SPOCK1: variants seen among roughly 807,000 people sequenced by gnomAD.
The protein encoded by SPOCK1 is SPARC (osteonectin), cwcv and kazal like domains proteoglycan 1.
Under a neutral mutation model 55.3 loss-of-function variants are expected in SPOCK1, and 23 were observed. The observed-to-expected ratio is 0.42, with a 90% CI of 0.30 to 0.59. The LOEUF is 0.59. SPOCK1 is among the 20% of genes least tolerant of loss of function. The pLI is 0.22. For synonymous variants in SPOCK1, 226 were observed against 221.0 expected (o/e 1.02, Z -0.20); for missense variants, 499 against 552.5 (o/e 0.90, Z 0.97).
At chr5:137,436,620 A>G (rs181601064) in intron 2 of SPOCK1, among the ~76,000 whole-genome samples, 340 of 152,308 alleles carry the variant, frequency 2.2e-3, no homozygotes, top group Middle Eastern at 6.8e-3. Context: ...ATTTGACACA[A>G]TCCAAAAAAA....
intron 2 of SPOCK1, among the ~76,000 whole-genome samples, chr5:137,283,512 G>A (rs949719262): frequency 6.6e-6 from 1 of 152,228 alleles, no homozygotes; most frequent in African/African-American, 2.4e-5. Context: ...CCAGGAGTTC[G>A]AGACCAGCCT....
rs187501555 is a variant in SPOCK1 at position 136,978,601 on chromosome 5, T to C, written c.*53A>G. The C allele has an allele frequency of 2.5e-5, 39 of 1,545,266 alleles. No individual in the cohort carries two copies. In the African/African-American group the frequency reaches 4.2e-4, roughly 17 times the overall value. On this transcript the variant is annotated 3_prime_UTR_variant, in exon 11 of 11. Coordinates refer to ENST00000394945, the MANE Select transcript of SPOCK1 (RefSeq NM_004598.4). ...GGAGTCTTAGATACAAATGCAGGAA[T>C]AGGAAGTGACTTGCAATTTTGTGCA...
intron 3 of SPOCK1, among the ~76,000 whole-genome samples, chr5:137,145,225 G>T (rs1208628107): frequency 6.6e-6 from 1 of 152,160 alleles, no homozygotes; most frequent in Non-Finnish European, 1.5e-5. Context: ...GTAAAGCATT[G>T]AATTCAAAAG....
chr5:137,476,054 T>C (rs1223203863), intron 2 of SPOCK1, among the ~76,000 whole-genome samples: 1 of 151,472 alleles, frequency 6.6e-6, no homozygotes, highest in Non-Finnish European at 1.5e-5. Context: ...TTTTAACTTT[T>C]AAGTTCAAGG....
At chr5:137,191,415 G>A (rs1465300798) in intron 3 of SPOCK1, among the ~76,000 whole-genome samples, 1 of 151,454 alleles carries the variant, frequency 6.6e-6, no homozygotes, top group African/African-American at 2.5e-5. Flanking sequence ...CTGTATGATG[G>A]AAATTCTGTA....
intron 3 of SPOCK1, among the ~76,000 whole-genome samples, chr5:137,217,842 A>G (rs922315815): frequency 3.9e-5 from 6 of 152,170 alleles, no homozygotes; most frequent in African/African-American, 1.4e-4. Context: ...TATCCAAGGT[A>G]TCGTGGTTAA....
chr5:137,296,212 T>C (rs1364333843), intron 2 of SPOCK1, among the ~76,000 whole-genome samples: 1 of 152,210 alleles, frequency 6.6e-6, no homozygotes, highest in Non-Finnish European at 1.5e-5. Flanking sequence ...AATAAGTATC[T>C]GTTGTTTACA....
intron 3 of SPOCK1, 53 bp from the exon 4 acceptor site, chr5:137,140,747 A>ATTTTTTTTTTTTTTTTTTTTTTTTTT (rs11309240): frequency 6.1e-6 from 2 of 328,300 alleles, no homozygotes; most frequent in Non-Finnish European, 4.7e-6. Context: ...GGGAAATTTA[A>ATTTTTTTTTTTTTTTTTTTTTTTTTT]TTTTTTTTTT....
At chr5:137,106,635 T>C (rs939884964) in intron 5 of SPOCK1, among the ~76,000 whole-genome samples, 2 of 152,028 alleles carry the variant, frequency 1.3e-5, no homozygotes, top group African/African-American at 4.8e-5. Context: ...TCTCTGCAAA[T>C]CCAGGCCTCC....
chr5:137,405,564 G>T (rs892555028), intron 2 of SPOCK1, among the ~76,000 whole-genome samples: 1 of 152,136 alleles, frequency 6.6e-6, no homozygotes, highest in Non-Finnish European at 1.5e-5. Context: ...CGGGCAGACA[G>T]ATCCCTACTG....
chr5:137,422,019 C>T (rs1226506885), intron 2 of SPOCK1, among the ~76,000 whole-genome samples: 1 of 152,172 alleles, frequency 6.6e-6, no homozygotes, highest in African/African-American at 2.4e-5. Flanking sequence ...TCAGCATTTG[C>T]TTGTCTGTAA....
intron 6 of SPOCK1, among the ~76,000 whole-genome samples, chr5:137,010,531 A>C (rs1258689794): frequency 2.0e-5 from 3 of 152,058 alleles, no homozygotes; most frequent in Non-Finnish European, 4.4e-5. Flanking sequence ...TGGGAGGGTG[A>C]CACTATCATC....
rs540025599 is a variant in SPOCK1 at position 137,195,956 on chromosome 5, C to T, written c.233-55262G>A. Among the ~76,000 whole-genome samples the T allele has an allele frequency of 4.6e-5, 7 of 152,288 alleles. No individual in the cohort carries two copies. The South Asian group carries it at 1.5e-3, about 32-fold the overall frequency. On this transcript the variant is annotated intron_variant, in intron 3 of 10. Coordinates refer to ENST00000394945, the MANE Select transcript of SPOCK1 (RefSeq NM_004598.4). ...GGCCCCCAGAGTCACTAAGATACCT[C>T]ATCCTGGGCATGTGGAAGACTGAAA...
At chr5:137,407,216 C>T (rs1752117996) in intron 2 of SPOCK1, among the ~76,000 whole-genome samples, 1 of 152,184 alleles carries the variant, frequency 6.6e-6, no homozygotes, top group African/African-American at 2.4e-5. Flanking sequence ...TCACTTTAAA[C>T]CACTGCTGTC....
At chr5:137,006,414 C>A (rs925786033) in intron 6 of SPOCK1, among the ~76,000 whole-genome samples, 1 of 152,118 alleles carries the variant, frequency 6.6e-6, no homozygotes, top group Non-Finnish European at 1.5e-5. Context: ...TTGAAGAGAT[C>A]CTTCACATCC....
At chr5:137,231,588 A>T (rs905946782) in intron 3 of SPOCK1, among the ~76,000 whole-genome samples, 2 of 152,222 alleles carry the variant, frequency 1.3e-5, no homozygotes, top group Admixed American at 1.3e-4. Flanking sequence ...ATTATTGCAA[A>T]GTACTATTCC....
chr5:137,378,081 A>C (rs1751367323), intron 2 of SPOCK1, among the ~76,000 whole-genome samples: 1 of 150,658 alleles, frequency 6.6e-6, no homozygotes, highest in Non-Finnish European at 1.5e-5. Flanking sequence ...AGTAGCTGGG[A>C]TTACAGGCAT....
intron 2 of SPOCK1, among the ~76,000 whole-genome samples, chr5:137,313,087 T>G (rs1580861676): frequency 6.6e-6 from 1 of 152,288 alleles, no homozygotes; most frequent in African/African-American, 2.4e-5. Context: ...TGCCACCTAC[T>G]TGGGGTAACA....
chr5:137,319,724 T>C (rs1050002886), intron 2 of SPOCK1, among the ~76,000 whole-genome samples: 3 of 151,876 alleles, frequency 2.0e-5, no homozygotes, highest in Non-Finnish European at 4.4e-5. Flanking sequence ...GGCGGGTGGA[T>C]CATGAGGTCA....
Sources: allele counts gnomAD v4.1 joint callset (sites outside exome capture counted in the v4.1 genomes callset), GRCh38; gene constraint gnomAD v4.1.1; transcripts MANE v1.5; gene names NCBI Gene and HGNC (gene_info 2026-07-23, HGNC 2026-07-21).